Variants in DENND1A observed in about 807,000 individuals in gnomAD.
The protein encoded by DENND1A is DENN domain-containing protein 1A.
A neutral mutation model predicts 113.7 loss-of-function variants in DENND1A; 51 were observed. The ratio of observed to expected loss-of-function variants is 0.45; its 90% CI spans 0.36 to 0.57. DENND1A has a LOEUF of 0.57. Among genes scored for constraint, DENND1A ranks in the 20% least tolerant of loss-of-function variants. DENND1A has a pLI of 0.00. For missense variants in DENND1A, 1,258 were observed against 1,395.9 expected, an observed-to-expected ratio of 0.90 and a Z score of 1.57; for synonymous variants, 565 against 570.8, an observed-to-expected ratio of 0.99 and a Z score of 0.14.
At chr9:123,806,929 A>G (rs1439371077) in intron 2 of DENND1A, among the ~76,000 whole-genome samples, 1 of 152,238 alleles carries the variant, frequency 6.6e-6, no homozygotes, top group Non-Finnish European at 1.5e-5. Context: ...AAACCTTAAA[A>G]TCTATCTGAA....
chr9:123,400,055 G>C (rs2043349353), intron 21 of DENND1A: 1 of 152,228 alleles, frequency 6.6e-6, no homozygotes, highest in South Asian at 2.1e-4. Flanking sequence ...GCCCCTGGGC[G>C]TCACATCAGC....
chr9:123,785,785 AG>A (rs1832062054), intron 3 of DENND1A, among the ~76,000 whole-genome samples: 2 of 152,222 alleles, frequency 1.3e-5, no homozygotes, highest in Admixed American at 1.3e-4. Context: ...AAAGAGATTG[AG>A]AGTTTATACC....
chr9:123,620,121 G>A (rs933059434), intron 10 of DENND1A, among the ~76,000 whole-genome samples: 10 of 139,810 alleles, frequency 7.2e-5, no homozygotes. Context: ...GGCTGAGGCA[G>A]AAGAATTGCT....
intron 16 of DENND1A, among the ~76,000 whole-genome samples, chr9:123,453,444 G>T (rs2132762387): frequency 6.6e-6 from 1 of 152,294 alleles, no homozygotes; most frequent in Middle Eastern, 3.4e-3. Context: ...TGTAACAAGT[G>T]GCTGCTGTAC....
At chr9:123,844,493 A>G (rs1188456535) in intron 2 of DENND1A, among the ~76,000 whole-genome samples, 1 of 152,212 alleles carries the variant, frequency 6.6e-6, no homozygotes, top group Non-Finnish European at 1.5e-5. Flanking sequence ...TAAGAAAAAT[A>G]GGAATAAATT....
rs569070366 is a variant in DENND1A at position 123,460,223 on chromosome 9, T to C, written c.994-2326A>G. 5.3e-5 allele frequency among the ~76,000 whole-genome samples: 8 copies of C among 152,328 alleles called. No individual in the cohort carries two copies. In the South Asian group the frequency reaches 1.7e-3, roughly 32 times the overall value. On this transcript the variant is annotated intron_variant, in intron 13 of 23. Transcript: ENST00000394215. ...ATAGCTTTATGTGCCATTTATTACT[T>C]TGGCATGGGTTTACATCTTCCTTGC...
At chr9:123,406,920 C>T (rs949372156) in intron 20 of DENND1A, among the ~76,000 whole-genome samples, 2 of 152,086 alleles carry the variant, frequency 1.3e-5, no homozygotes, top group African/African-American at 4.8e-5. Flanking sequence ...ACAATAAAGG[C>T]GGGTTAAGAA....
intron 5 of DENND1A, among the ~76,000 whole-genome samples, chr9:123,740,340 T>C (rs10818864): frequency 6.6e-6 from 1 of 152,000 alleles, no homozygotes; most frequent in African/African-American, 2.4e-5. Flanking sequence ...ATTTTCTAAC[T>C]ATCTAATCTA....
intron 13 of DENND1A, among the ~76,000 whole-genome samples, chr9:123,467,115 T>C (rs1426201397): frequency 2.0e-5 from 3 of 152,192 alleles, no homozygotes; most frequent in Admixed American, 6.5e-5. Context: ...TATTGCCTTC[T>C]TTCTGTATTT....
intron 13 of DENND1A, among the ~76,000 whole-genome samples, chr9:123,487,803 G>A (rs1210524008): frequency 6.6e-6 from 1 of 152,224 alleles, no homozygotes; most frequent in Non-Finnish European, 1.5e-5. Context: ...CATGCTGAAA[G>A]GGGACTGCTG....
intron 5 of DENND1A, among the ~76,000 whole-genome samples, chr9:123,735,591 TG>T (rs1354927047): frequency 6.6e-6 from 1 of 152,232 alleles, no homozygotes; most frequent in African/African-American, 2.4e-5. Flanking sequence ...TTCTAGAAAT[TG>T]TCCTCTCATG....
chr9:123,497,947 T>C (rs563204903), intron 13 of DENND1A, among the ~76,000 whole-genome samples: 2 of 152,306 alleles, frequency 1.3e-5, no homozygotes, highest in East Asian at 3.9e-4. Context: ...GACCCCATGC[T>C]AGCAGAGAGA....
chr9:123,683,304 A>G (rs2064592040), intron 5 of DENND1A, among the ~76,000 whole-genome samples: 1 of 152,234 alleles, frequency 6.6e-6, no homozygotes, highest in African/African-American at 2.4e-5. Context: ...CACAACAGTC[A>G]CATCAAAAGA....
intron 11 of DENND1A, among the ~76,000 whole-genome samples, chr9:123,588,633 A>ACGGGGG (rs1554894950): frequency 2.2e-4 from 19 of 86,464 alleles, no homozygotes; most frequent in African/African-American, 7.2e-4. Flanking sequence ...AAAAAAAAAA[A>ACGGGGG]GGGGGGGGGG....
intron 13 of DENND1A, among the ~76,000 whole-genome samples, chr9:123,465,413 T>C (rs918456993): frequency 2.0e-5 from 3 of 150,756 alleles, no homozygotes; most frequent in Admixed American, 6.7e-5. Context: ...AGTGAGAATG[T>C]GGCTTGGGTG....
intron 18 of DENND1A, among the ~76,000 whole-genome samples, chr9:123,443,281 G>C (rs549855747): frequency 2.6e-5 from 4 of 152,312 alleles, no homozygotes; most frequent in African/African-American, 9.6e-5. Flanking sequence ...CTCCTCGGAA[G>C]CTCCTGGCTA....
At chr9:123,602,845 T>C (rs1271193766) in intron 11 of DENND1A, among the ~76,000 whole-genome samples, 1 of 152,158 alleles carries the variant, frequency 6.6e-6, no homozygotes, top group Non-Finnish European at 1.5e-5. Context: ...AGTTTTGTTG[T>C]TGTTGTTGTT....
At chr9:123,454,475 C>T (rs1334618299) in intron 16 of DENND1A, among the ~76,000 whole-genome samples, 1 of 152,232 alleles carries the variant, frequency 6.6e-6, no homozygotes, top group East Asian at 1.9e-4. Flanking sequence ...AAGACAGCAA[C>T]ATTCCATTCA....
At chr9:123,861,086 T>G (rs1364007302) in intron 2 of DENND1A, among the ~76,000 whole-genome samples, 1 of 152,146 alleles carries the variant, frequency 6.6e-6, no homozygotes, top group Non-Finnish European at 1.5e-5. Flanking sequence ...ACATTCTCTT[T>G]ATCAAACTTG....
Sources: gnomAD v4.1 joint callset for allele counts (sites outside exome capture counted in the v4.1 genomes callset) on GRCh38, gnomAD v4.1.1 for gene constraint, MANE v1.5 for transcripts, NCBI Gene and HGNC (gene_info 2026-07-23, HGNC 2026-07-21) for gene names.